The following SSBP2 variants were observed in gnomAD, a reference collection of about 807,000 sequenced individuals.
SSBP2 encodes single stranded DNA binding protein 2, also known as single-stranded DNA-binding protein 2.
In SSBP2, 17 loss-of-function variants were observed where a neutral mutation model predicts 61.8. The ratio of observed to expected loss-of-function variants is 0.28; its 90% CI spans 0.19 to 0.41. The LOEUF (loss-of-function observed/expected upper bound fraction) is 0.41, where lower values mean the gene tolerates loss of function less well. Ranked by LOEUF, SSBP2 falls within the 10% of genes least tolerant of loss-of-function variation. The probability of loss-of-function intolerance (pLI) is 1.00; values close to 1 mark genes in which losing one functional copy is unlikely to be tolerated. For missense variants in SSBP2, 310 were observed against 458.7 expected, an observed-to-expected ratio of 0.68 and a Z score of 2.96; for synonymous variants, 139 against 141.3, an observed-to-expected ratio of 0.98 and a Z score of 0.12.
intron 1 of SSBP2, among the ~76,000 whole-genome samples, chr5:81,693,245 T>A (rs1374119341): frequency 6.8e-6 from 1 of 146,658 alleles, no homozygotes; most frequent in Non-Finnish European, 1.5e-5. Context: ...TTGAGGAAAC[T>A]CTCCAGGACA....
chr5:81,478,593 T>C (rs1765755718), intron 6 of SSBP2, among the ~76,000 whole-genome samples: 1 of 152,150 alleles, frequency 6.6e-6, no homozygotes, highest in Non-Finnish European at 1.5e-5. Context: ...CGTCTCAGCC[T>C]CCCAAAGTGT....
intron 3 of SSBP2, among the ~76,000 whole-genome samples, chr5:81,623,571 A>G (rs1203985319): frequency 6.6e-6 from 1 of 151,646 alleles, no homozygotes; most frequent in Non-Finnish European, 1.5e-5. Context: ...TCCTGACCTC[A>G]TGATCCGCCC....
intron 2 of SSBP2, among the ~76,000 whole-genome samples, chr5:81,637,775 A>C (rs975181519): frequency 6.6e-6 from 1 of 152,196 alleles, no homozygotes; most frequent in African/African-American, 2.4e-5. Flanking sequence ...AGGACTATAA[A>C]TCATGCTGCT....
At chr5:81,493,807 A>C (rs1191226340) in intron 5 of SSBP2, among the ~76,000 whole-genome samples, 1 of 152,038 alleles carries the variant, frequency 6.6e-6, no homozygotes, top group Admixed American at 6.6e-5. Flanking sequence ...TCTGCTGCCC[A>C]GGCTGGTCTC....
intron 10 of SSBP2, among the ~76,000 whole-genome samples, chr5:81,451,632 G>T (rs1251716482): frequency 2.0e-5 from 3 of 152,096 alleles, no homozygotes; most frequent in Admixed American, 6.6e-5. Context: ...TCACCATGTT[G>T]GCCAGGCGGG....
Position 81,412,874 on chromosome 5 carries a change from A to G in SSBP2, c.*7630T>C, listed in dbSNP as rs3763142. 85,691 of 151,954 alleles carry G rather than the reference A, an allele frequency of 0.56. 26,446 individuals carry two copies. The highest frequency in any genetic ancestry group is 0.82 in the African/African-American group (33,827 of 41,464). The allele number at this position is 151,954 out of a possible 1,614,324, so 9.4% of individuals were successfully genotyped here. A position where few individuals can be genotyped will look rare whatever the true frequency, so the allele number is the denominator to read the frequency against. ...CTAATAACATTAGTTTTTTTTTGGC[A>G]TTCCATGTTTAGTTATCTGACCACA... On this transcript the variant is annotated 3_prime_UTR_variant, in exon 17 of 17. Transcript: ENST00000320672.
chr5:81,497,249 G>A (rs924248659), intron 5 of SSBP2, among the ~76,000 whole-genome samples: 1 of 152,108 alleles, frequency 6.6e-6, no homozygotes, highest in Non-Finnish European at 1.5e-5. Flanking sequence ...GGTGGTAAAT[G>A]GGTACGGTAT....
intron 4 of SSBP2, among the ~76,000 whole-genome samples, chr5:81,541,788 T>A (rs924615777): frequency 6.6e-6 from 1 of 152,190 alleles, no homozygotes; most frequent in African/African-American, 2.4e-5. Flanking sequence ...AAGTATAGGT[T>A]TCAATGTAAA....
intron 3 of SSBP2, among the ~76,000 whole-genome samples, chr5:81,615,933 G>C (rs529759219): frequency 2.8e-3 from 420 of 152,330 alleles, no homozygotes; most frequent in Admixed American, 4.2e-3. Context: ...AAGGAATCAA[G>C]TGGTCCATTG....
chr5:81,627,037 G>C (rs890193064), intron 3 of SSBP2, among the ~76,000 whole-genome samples: 1 of 152,090 alleles, frequency 6.6e-6, no homozygotes, highest in Admixed American at 6.6e-5. Context: ...ATACGCAAAA[G>C]TAATTTTAAA....
intron 1 of SSBP2, among the ~76,000 whole-genome samples, chr5:81,694,828 A>G (rs1753481286): frequency 6.6e-6 from 1 of 152,206 alleles, no homozygotes; most frequent in Non-Finnish European, 1.5e-5. Flanking sequence ...AAATTTTTTT[A>G]ACTAGCTGGG....
At chr5:81,476,770 A>C (rs1000064553) in intron 6 of SSBP2, among the ~76,000 whole-genome samples, 7 of 152,138 alleles carry the variant, frequency 4.6e-5, no homozygotes, top group Non-Finnish European at 1.0e-4. Flanking sequence ...CTAACAACTA[A>C]CCACTATGAT....
At chr5:81,447,088 AT>A (rs2153972543) in intron 11 of SSBP2, among the ~76,000 whole-genome samples, 166 bp from the exon 12 acceptor site, 1 of 152,314 alleles carries the variant, frequency 6.6e-6, no homozygotes, top group South Asian at 2.1e-4. Flanking sequence ...ACAAAACATA[AT>A]TTAGCTTAAA....
At chr5:81,571,227 C>T (rs1172324355) in intron 4 of SSBP2, among the ~76,000 whole-genome samples, 4 of 152,218 alleles carry the variant, frequency 2.6e-5, no homozygotes, top group Non-Finnish European at 5.9e-5. Flanking sequence ...CAAACTCTGA[C>T]ACAATAGCTT....
chr5:81,551,987 G>A (rs554726990), intron 4 of SSBP2, among the ~76,000 whole-genome samples: 1 of 152,104 alleles, frequency 6.6e-6, no homozygotes. Context: ...ATCATAAAAG[G>A]TATCAGTGTA....
At chr5:81,623,880 C>G (rs1185205015) in intron 3 of SSBP2, among the ~76,000 whole-genome samples, 2 of 151,966 alleles carry the variant, frequency 1.3e-5, no homozygotes, top group Non-Finnish European at 2.9e-5. Flanking sequence ...GATTATAAAA[C>G]AAGTGATTAA....
chr5:81,590,933 T>C (rs995183854), intron 4 of SSBP2, among the ~76,000 whole-genome samples: 5 of 152,140 alleles, frequency 3.3e-5, no homozygotes, highest in East Asian at 1.9e-4. Context: ...TTACTAAGAA[T>C]GTGACACCCC....
chr5:81,663,473 C>T (rs1051389830), intron 1 of SSBP2, among the ~76,000 whole-genome samples: 5 of 152,284 alleles, frequency 3.3e-5, no homozygotes, highest in Non-Finnish European at 7.4e-5. Context: ...TGTTTCCTTA[C>T]ATTTTATGTG....
intron 1 of SSBP2, among the ~76,000 whole-genome samples, chr5:81,670,260 T>A (rs1751494765): frequency 6.6e-6 from 1 of 152,154 alleles, no homozygotes; most frequent in South Asian, 2.1e-4. Flanking sequence ...AACACATGTG[T>A]GGGAGCAGAA....
Sources: allele counts gnomAD v4.1 joint callset (sites outside exome capture counted in the v4.1 genomes callset), GRCh38; gene constraint gnomAD v4.1.1; transcripts MANE v1.5; gene names NCBI Gene and HGNC (gene_info 2026-07-23, HGNC 2026-07-21).